The following LPP variants were observed in gnomAD, a reference collection of about 807,000 sequenced individuals.
The protein encoded by LPP is LIM domain containing preferred translocation partner in lipoma, also known as lipoma-preferred partner.
In LPP, 38 loss-of-function variants were observed where a neutral mutation model predicts 60.4. The ratio of observed to expected loss-of-function variants is 0.63; its 90% CI spans 0.49 to 0.83. LPP has a LOEUF of 0.83. Among genes scored for constraint, LPP ranks in the 40% least tolerant of loss-of-function variants. The pLI, the probability that LPP is intolerant of heterozygous loss-of-function variation, is 0.00. For missense variants in LPP, 902 were observed against 783.6 expected, an observed-to-expected ratio of 1.15 and a Z score of -1.80; for synonymous variants, 328 against 290.8, an observed-to-expected ratio of 1.13 and a Z score of -1.30.
chr3:188,767,357 C>T (rs1301413917), intron 9 of LPP, among the ~76,000 whole-genome samples: 1 of 152,086 alleles, frequency 6.6e-6, no homozygotes, highest in African/African-American at 2.4e-5. Flanking sequence ...TAGCCCTGAG[C>T]TTTCCTTCAT....
Position 188,449,330 on chromosome 3 carries a change from T to A in LPP, c.194-35262T>A, listed in dbSNP as rs112776722. Among the ~76,000 whole-genome samples, 84 of 152,272 alleles carry A rather than the reference T, an allele frequency of 5.5e-4. 1 individual carries two copies. The highest frequency in any genetic ancestry group is 2.0e-3 in the African/African-American group (82 of 41,510). On this transcript the variant is annotated intron_variant, in intron 4 of 11. Coordinates refer to ENST00000617246, the MANE Select transcript of LPP (RefSeq NM_001375462.1). ...TCTTTTCCTCATCCTTTCTCCTTCT[T>A]CCATTCTCCCTTCCACCTCACAGAA...
rs946923880 is a variant in LPP at position 188,876,169 on chromosome 3, A to G, written c.*1690A>G. The G allele has an allele frequency of 2.1e-4, 40 of 187,168 alleles. No individual in the cohort carries two copies. The highest frequency in any genetic ancestry group is 8.9e-4 in the African/African-American group (38 of 42,746). 11.6% of individuals were successfully genotyped at this position (187,168 alleles called of 1,614,324 possible). On this transcript the variant is annotated 3_prime_UTR_variant, in exon 12 of 12. Coordinates refer to ENST00000617246, the MANE Select transcript of LPP (RefSeq NM_001375462.1). ...GTTTTTAATTTTAACATCAGAACTG[A>G]AATAAAAAATTATGGATACGTGTTT... is the stretch of plus-strand genomic sequence containing the variant.
At chr3:188,644,255 GT>G (rs1168848423) in intron 7 of LPP, among the ~76,000 whole-genome samples, 1 of 152,154 alleles carries the variant, frequency 6.6e-6, no homozygotes, top group African/African-American at 2.4e-5. Flanking sequence ...CCCTGGGAAT[GT>G]ACTTCACAAG....
At chr3:188,650,557 T>C (rs1851885197) in intron 7 of LPP, among the ~76,000 whole-genome samples, 1 of 152,198 alleles carries the variant, frequency 6.6e-6, no homozygotes, top group Non-Finnish European at 1.5e-5. Flanking sequence ...CTTCTGTCCT[T>C]GTTGGTTGCA....
chr3:188,835,710 AGAAAG>A (rs1758285147), intron 9 of LPP, among the ~76,000 whole-genome samples: 1 of 152,206 alleles, frequency 6.6e-6, no homozygotes, highest in African/African-American at 2.4e-5. Flanking sequence ...AGTGGCAACA[AGAAAG>A]GAACGCCCCT....
intron 4 of LPP, among the ~76,000 whole-genome samples, chr3:188,440,285 G>A (rs762313670): frequency 2.6e-5 from 4 of 152,074 alleles, no homozygotes; most frequent in Non-Finnish European, 4.4e-5. Context: ...GTCCTCTTTC[G>A]TAAAAAAGAG....
intron 5 of LPP, among the ~76,000 whole-genome samples, chr3:188,508,723 A>G (rs748038895): frequency 2.0e-5 from 3 of 152,258 alleles, no homozygotes; most frequent in Non-Finnish European, 4.4e-5. Context: ...GGGTGAGAAC[A>G]CAGAAACTGT....
At chr3:188,184,828 T>A (rs1420724557) in intron 1 of LPP, among the ~76,000 whole-genome samples, 1 of 151,800 alleles carries the variant, frequency 6.6e-6, no homozygotes, top group African/African-American at 2.4e-5. Context: ...CTGAAGGAGA[T>A]GTAGGTTGGG....
chr3:188,619,759 T>C (rs1845485544), intron 7 of LPP, among the ~76,000 whole-genome samples: 1 of 152,224 alleles, frequency 6.6e-6, no homozygotes, highest in Non-Finnish European at 1.5e-5. Context: ...TTAAAAGTTC[T>C]TGAACATCCC....
At chr3:188,153,779 C>A (rs947666215), upstream of LPP, 1 of 149,546 alleles carries the variant, frequency 6.7e-6, no homozygotes, top group African/African-American at 2.4e-5. Context: ...TGGACAAATG[C>A]GTGCAGGCAA....
chr3:188,341,744 G>GT, intron 3 of LPP, 25 bp downstream of exon 3: 1 of 951,510 alleles, frequency 1.1e-6, no homozygotes. Flanking sequence ...GTGTCTTCTT[G>GT]TTTATGAAAT....
chr3:188,242,383 CAGAGAG>C (rs887912849), intron 2 of LPP, among the ~76,000 whole-genome samples: 1 of 147,778 alleles, frequency 6.8e-6, no homozygotes, highest in East Asian at 2.0e-4. Context: ...AAGAGAGAGA[CAGAGAG>C]AGAGAGAGAG....
intron 1 of LPP, among the ~76,000 whole-genome samples, chr3:188,170,944 A>G (rs753806051): frequency 6.6e-6 from 1 of 152,188 alleles, no homozygotes; most frequent in Non-Finnish European, 1.5e-5. Flanking sequence ...CTGGTCTGCC[A>G]TATCATGGGA....
intron 2 of LPP, among the ~76,000 whole-genome samples, chr3:188,243,478 T>C (rs1379638573): frequency 6.6e-6 from 1 of 152,218 alleles, no homozygotes; most frequent in Non-Finnish European, 1.5e-5. Context: ...AGGCCGGATC[T>C]GGGAAGGGCC....
rs1418098858 is a variant in LPP, at chr3:188,182,252, A to G, written c.-190+28000A>G. 6.6e-6 allele frequency among the ~76,000 whole-genome samples: 1 copy of G among 152,210 alleles called. No homozygotes were observed. The highest frequency in any genetic ancestry group is 1.5e-5 in the Non-Finnish European group (1 of 68,040). On this transcript the variant is annotated intron_variant, in intron 1 of 11. Transcript: ENST00000617246. This position sits in a 1 kb window ranked among gnomAD's most constrained non-coding sequence, Gnocchi z 4.4. Reference sequence around the variant, plus strand: ...GCTTGCTCCTTGGGCCAGCAGCATCAGTATCACTTAGCACTTGTTACCAGT... The same window carrying G: ...GCTTGCTCCTTGGGCCAGCAGCATCGGTATCACTTAGCACTTGTTACCAGT...
At chr3:188,264,840 A>T (rs568907347) in intron 2 of LPP, among the ~76,000 whole-genome samples, 2 of 152,016 alleles carry the variant, frequency 1.3e-5, no homozygotes, top group Non-Finnish European at 2.9e-5. Flanking sequence ...TTTTTATAAC[A>T]TATGAATATT....
chr3:188,453,162 G>A (rs920409374), intron 4 of LPP, among the ~76,000 whole-genome samples: 2 of 151,930 alleles, frequency 1.3e-5, no homozygotes, highest in Non-Finnish European at 2.9e-5. Context: ...CTTAGGTTCC[G>A]GATTCATACA....
chr3:188,736,262 T>C (rs1368350002), intron 8 of LPP, among the ~76,000 whole-genome samples: 7 of 152,064 alleles, frequency 4.6e-5, no homozygotes, highest in Admixed American at 3.9e-4. Context: ...TATGTAAATA[T>C]CATATAAAAT....
At chr3:188,371,488 C>T (rs1039763710) in intron 3 of LPP, among the ~76,000 whole-genome samples, 4 of 150,642 alleles carry the variant, frequency 2.7e-5, no homozygotes, top group African/African-American at 7.3e-5. Context: ...GGACATCTGG[C>T]AGGTACAAGC....
Sources: gnomAD v4.1 joint callset for allele counts (sites outside exome capture counted in the v4.1 genomes callset) on GRCh38, gnomAD v4.1.1 for gene constraint, Gnocchi (gnomAD v3.1) non-coding constraint, MANE v1.5 for transcripts, NCBI Gene and HGNC (gene_info 2026-07-23, HGNC 2026-07-21) for gene names.